The following TTC7A variants were observed in gnomAD, a reference collection of about 807,000 sequenced individuals.
TTC7A encodes the protein tetratricopeptide repeat protein 7A.
TTC7A carries 110 observed loss-of-function variants against 103.7 expected under a neutral mutation model. The observed-to-expected ratio is 1.06, with a 90% CI of 0.91 to 1.24. The LOEUF is 1.24. Ranked by LOEUF, TTC7A falls within the 50% of genes most tolerant of loss-of-function variation. The probability of loss-of-function intolerance (pLI) is 0.00; values close to 1 mark genes in which losing one functional copy is unlikely to be tolerated. For missense variants in TTC7A, 1,340 were observed against 1,116.3 expected, an observed-to-expected ratio of 1.20 and a Z score of -2.86; for synonymous variants, 521 against 467.9, an observed-to-expected ratio of 1.11 and a Z score of -1.47.
chr2:46,994,371 C>G lies in TTC7A; in HGVS notation c.858C>G (p.His286Gln). Reference protein sequence around the residue: ...TQNFKVMAAKHLAGVLLHSLS... With the variant: ...TQNFKVMAAKQLAGVLLHSLS... Reference sequence around the variant, plus strand: ...CTCTCTGCCAGATGGCGGCCAAGCACCTGGCGGGGGTCCTGCTGCACTCCC... The same window carrying G: ...CTCTCTGCCAGATGGCGGCCAAGCAGCTGGCGGGGGTCCTGCTGCACTCCC... Residue 286 changes from histidine to glutamine, a missense_variant, in exon 7 of 20, where the codon CAC (histidine) becomes CAG (glutamine). Coordinates refer to ENST00000319190, the MANE Select transcript of TTC7A (RefSeq NM_020458.4). 6.2e-7 allele frequency: 1 copy of G among 1,612,862 alleles called. No individual in the cohort carries two copies. The highest frequency in any genetic ancestry group is 8.5e-7 in the Non-Finnish European group (1 of 1,179,326).
chr2:47,016,914 T>G (rs72806585), intron 11 of TTC7A, among the ~76,000 whole-genome samples: 6,769 of 151,996 alleles, frequency 0.045, 200 homozygotes, highest in African/African-American at 0.063. Context: ...AAAAAAAATT[T>G]GAGGCCGGGC....
chr2:46,942,732 G>C (rs2103901476), intron 1 of TTC7A, among the ~76,000 whole-genome samples: 1 of 152,248 alleles, frequency 6.6e-6, no homozygotes, highest in African/African-American at 2.4e-5. Context: ...TTTGTGCCCA[G>C]GTTTCTGAGT....
intron 17 of TTC7A, 125 bp from the exon 18 acceptor site, chr2:47,051,621 G>A: frequency 1.6e-6 from 2 of 1,266,044 alleles, no homozygotes; most frequent in Non-Finnish European, 2.1e-6. Flanking sequence ...TGGCTGCCCA[G>A]CCGCACCACC....
chr2:46,974,950 G>C, intron 3 of TTC7A, 23 bp from the exon 4 acceptor site: 1 of 1,611,568 alleles, frequency 6.2e-7, no homozygotes, highest in Non-Finnish European at 8.5e-7. Context: ...GGACAGGTCT[G>C]AGGCACCCTC....
intron 15 of TTC7A, among the ~76,000 whole-genome samples, chr2:47,038,316 A>G (rs11901122): frequency 2.6e-5 from 4 of 151,672 alleles, no homozygotes; most frequent in Non-Finnish European, 4.4e-5. Context: ...CCAAGGTCAC[A>G]TGGCTACAAG....
intron 19 of TTC7A, among the ~76,000 whole-genome samples, chr2:47,069,656 C>T (rs1446208738): frequency 2.0e-5 from 3 of 152,310 alleles, no homozygotes; most frequent in South Asian, 4.1e-4. Flanking sequence ...GGAGAGGCGC[C>T]TCCCTCCCTC....
At chr2:47,037,869 AG>A (rs1456010572) in intron 15 of TTC7A, among the ~76,000 whole-genome samples, 1 of 152,202 alleles carries the variant, frequency 6.6e-6, no homozygotes, top group Non-Finnish European at 1.5e-5. Flanking sequence ...CTGAAGTGCC[AG>A]CCCCTGCTGG....
chr2:47,060,843 A>G lies in TTC7A; in HGVS notation c.2227A>G (p.Thr743Ala). 3 of 1,613,936 alleles carry G rather than the reference A, an allele frequency of 1.9e-6. No homozygotes were observed. Among genetic ancestry groups the G allele is most frequent in the East Asian group, 4.5e-5 (2 of 44,876 alleles). The change falls in exon 19 of 20, where the codon ACT (threonine) becomes GCT (alanine). Residue 743 changes from threonine (T) to alanine (A), a missense_variant. Thr to Ala is a moderately conservative substitution (Grantham distance 58). Transcript: ENST00000319190. ...CIQEAAGLFP[T>A]SHSVLYMRGR... Reference sequence around the variant, plus strand: ...CCAGGAGGCGGCGGGCCTCTTCCCCACTTCTCACTCAGTACTCTATATGCG... The same window carrying G: ...CCAGGAGGCGGCGGGCCTCTTCCCCGCTTCTCACTCAGTACTCTATATGCG...
chr2:47,041,937 A>G (rs1357408413), intron 15 of TTC7A, among the ~76,000 whole-genome samples: 3 of 152,064 alleles, frequency 2.0e-5, no homozygotes, highest in Non-Finnish European at 2.9e-5. Context: ...AAACGTATTT[A>G]ATTATATACG....
chr2:46,921,777 T>G (rs1285115519), intron 2 of TTC7A, among the ~76,000 whole-genome samples: 1 of 152,200 alleles, frequency 6.6e-6, no homozygotes, highest in Non-Finnish European at 1.5e-5. Context: ...ATTAGTTAGA[T>G]TCTCATAAGG....
chr2:47,011,503 C>A, intron 11 of TTC7A, 68 bp downstream of exon 11: 2 of 1,260,494 alleles, frequency 1.6e-6, no homozygotes, highest in Non-Finnish European at 2.2e-6. Flanking sequence ...TGGCTGTGCA[C>A]GTCTTGACGT....
At chr2:46,996,108 C>T (rs1296445476) in intron 8 of TTC7A, among the ~76,000 whole-genome samples, 1 of 152,218 alleles carries the variant, frequency 6.6e-6, no homozygotes, top group Non-Finnish European at 1.5e-5. Context: ...AATGTTTGCC[C>T]AGGGCCAAGC....
chr2:47,004,716 C>G (rs1178130725), intron 8 of TTC7A, among the ~76,000 whole-genome samples: 1 of 151,878 alleles, frequency 6.6e-6, no homozygotes, highest in East Asian at 1.9e-4. Context: ...AGCATCTGCC[C>G]AGAACACAGC....
At chr2:46,924,926 C>T (rs530322793) in intron 2 of TTC7A, among the ~76,000 whole-genome samples, 1 of 152,280 alleles carries the variant, frequency 6.6e-6, no homozygotes, top group African/African-American at 2.4e-5. Context: ...CCTGCCACAG[C>T]CTTCATTGGA....
intron 2 of TTC7A, among the ~76,000 whole-genome samples, chr2:46,955,720 G>T (rs1215960383): frequency 6.6e-6 from 1 of 152,230 alleles, no homozygotes; most frequent in Non-Finnish European, 1.5e-5. Flanking sequence ...GCAGTAGATG[G>T]TAAGGAGTGC....
intron 12 of TTC7A, among the ~76,000 whole-genome samples, 179 bp downstream of exon 12, chr2:47,022,158 C>T (rs1282353913): frequency 6.6e-6 from 1 of 152,216 alleles, no homozygotes; most frequent in Non-Finnish European, 1.5e-5. Context: ...CACACACGCG[C>T]CCCTCAGACC....
At chr2:46,963,516 C>G (rs551571665) in intron 3 of TTC7A, among the ~76,000 whole-genome samples, 1 of 152,322 alleles carries the variant, frequency 6.6e-6, no homozygotes, top group African/African-American at 2.4e-5. Flanking sequence ...CACTGCCCCA[C>G]CTGACCTCAG....
At chr2:46,956,024 G>A (rs547028141) in intron 2 of TTC7A, among the ~76,000 whole-genome samples, 1 of 152,212 alleles carries the variant, frequency 6.6e-6, no homozygotes, top group African/African-American at 2.4e-5. Flanking sequence ...GAACTCACGT[G>A]CCAGGGTGGC....
chr2:46,982,349 G>A (rs1166126012), intron 5 of TTC7A, among the ~76,000 whole-genome samples: 3 of 152,072 alleles, frequency 2.0e-5, no homozygotes, highest in East Asian at 3.9e-4. Flanking sequence ...ACTACAGCCT[G>A]AGCAGCAGAG....
Sources: gnomAD v4.1 joint callset for allele counts (sites outside exome capture counted in the v4.1 genomes callset) on GRCh38, gnomAD v4.1.1 for gene constraint, MANE v1.5 for transcripts, NCBI Gene and HGNC (gene_info 2026-07-23, HGNC 2026-07-21) for gene names.